SGCZ: variants seen among roughly 807,000 people sequenced by gnomAD.
SGCZ encodes the protein zeta-sarcoglycan.
Under a neutral mutation model 41.3 loss-of-function variants are expected in SGCZ, and 40 were observed. The observed-to-expected ratio is 0.97, with a 90% CI of 0.75 to 1.26. SGCZ has a LOEUF of 1.26. Ranked by LOEUF, SGCZ falls within the 50% of genes most tolerant of loss-of-function variation. SGCZ has a pLI of 0.00. For synonymous variants in SGCZ, 206 were observed against 137.5 expected (o/e 1.50, Z -3.49); for missense variants, 552 against 369.8 (o/e 1.49, Z -4.04).
chr8:14,110,225 C>A (rs548992077), intron 5 of SGCZ, among the ~76,000 whole-genome samples: 1 of 150,844 alleles, frequency 6.6e-6, no homozygotes, highest in Non-Finnish European at 1.5e-5. Context: ...AAGAGAGACT[C>A]TGGCATTTTG....
chr8:14,823,755 T>C (rs1169227172), intron 1 of SGCZ, among the ~76,000 whole-genome samples: 1 of 152,172 alleles, frequency 6.6e-6, no homozygotes, highest in African/African-American at 2.4e-5. Context: ...TAAATCACTA[T>C]ATTGAAGAGA....
At chr8:14,311,636 A>C (rs1480604518) in intron 3 of SGCZ, among the ~76,000 whole-genome samples, 1 of 152,230 alleles carries the variant, frequency 6.6e-6, no homozygotes, top group East Asian at 1.9e-4. Context: ...TTGTGAAACA[A>C]GAATAAAACA....
At chr8:15,221,103 G>T (rs978385912) in intron 1 of SGCZ, among the ~76,000 whole-genome samples, 7 of 152,098 alleles carry the variant, frequency 4.6e-5, no homozygotes. Context: ...CATGGCACAT[G>T]TATACCTATG....
chr8:14,210,792 A>T (rs955180714), intron 4 of SGCZ, among the ~76,000 whole-genome samples: 2 of 152,278 alleles, frequency 1.3e-5, no homozygotes, highest in East Asian at 3.9e-4. Context: ...TATTTAAAAA[A>T]ATATTTATTT....
At chr8:14,653,471 C>T (rs1359799217) in intron 1 of SGCZ, among the ~76,000 whole-genome samples, 1 of 152,066 alleles carries the variant, frequency 6.6e-6, no homozygotes, top group Non-Finnish European at 1.5e-5. Flanking sequence ...CTATCTTTAT[C>T]AATACACACC....
intron 2 of SGCZ, among the ~76,000 whole-genome samples, chr8:14,497,654 G>T (rs1243803090): frequency 1.3e-5 from 2 of 151,962 alleles, no homozygotes; most frequent in Non-Finnish European, 2.9e-5. Context: ...TGTGGCCCAA[G>T]ATGACTCTTC....
intron 3 of SGCZ, among the ~76,000 whole-genome samples, chr8:14,247,437 T>C (rs1033907608): frequency 6.6e-6 from 1 of 152,188 alleles, no homozygotes; most frequent in African/African-American, 2.4e-5. Context: ...GAATCTGGGG[T>C]AATCTATCAC....
At chr8:14,191,348 T>TTCTGTTG (rs1268465476) in intron 4 of SGCZ, among the ~76,000 whole-genome samples, 3 of 152,198 alleles carry the variant, frequency 2.0e-5, no homozygotes, top group Non-Finnish European at 4.4e-5. Flanking sequence ...TGATACAACC[T>TTCTGTTG]CACTTATTTT....
intron 1 of SGCZ, among the ~76,000 whole-genome samples, chr8:14,835,536 C>A (rs1287237149): frequency 6.6e-6 from 1 of 152,180 alleles, no homozygotes; most frequent in African/African-American, 2.4e-5. Context: ...ATCTCTCCAA[C>A]CTTGACACAC....
At chr8:14,212,712 G>C (rs1053715608) in intron 4 of SGCZ, among the ~76,000 whole-genome samples, 1 of 152,026 alleles carries the variant, frequency 6.6e-6, no homozygotes, top group Non-Finnish European at 1.5e-5. Context: ...ACTTGGAAGA[G>C]AAAAGACAAA....
At chr8:14,460,284 G>A (rs1800864491) in intron 2 of SGCZ, among the ~76,000 whole-genome samples, 1 of 152,118 alleles carries the variant, frequency 6.6e-6, no homozygotes, top group Admixed American at 6.6e-5. Context: ...AATGAAAACT[G>A]TCCAAGCTAA....
intron 3 of SGCZ, among the ~76,000 whole-genome samples, chr8:14,264,384 GT>G (rs1799797230): frequency 6.6e-6 from 1 of 152,106 alleles, no homozygotes; most frequent in South Asian, 2.1e-4. Context: ...CTCTAGGCTG[GT>G]TACTGTGGAT....
At chr8:14,538,203 A>C (rs1210434017) in intron 2 of SGCZ, among the ~76,000 whole-genome samples, 1 of 151,916 alleles carries the variant, frequency 6.6e-6, no homozygotes, top group African/African-American at 2.4e-5. Flanking sequence ...TGTATTTGCT[A>C]TTTTAACTTA....
intron 7 of SGCZ, among the ~76,000 whole-genome samples, chr8:14,096,758 A>T (rs1338843157): frequency 6.6e-6 from 1 of 152,116 alleles, no homozygotes; most frequent in Non-Finnish European, 1.5e-5. Flanking sequence ...TTGGTAGGCT[A>T]TTAATTATTG....
intron 2 of SGCZ, among the ~76,000 whole-genome samples, chr8:14,475,362 A>G (rs1269910519): frequency 2.0e-5 from 3 of 152,182 alleles, no homozygotes; most frequent in African/African-American, 7.2e-5. Context: ...GTAAATATAA[A>G]TTTTGTAATT....
rs1291157437 is a variant in SGCZ at position 14,086,314 on chromosome 8, C to T, written c.*4129G>A. 6.6e-6 allele frequency among the ~76,000 whole-genome samples: 1 copy of T among 151,642 alleles called. No homozygotes were observed. Among genetic ancestry groups the T allele is most frequent in the Non-Finnish European group, 1.5e-5 (1 of 67,736 alleles). On this transcript the variant is annotated 3_prime_UTR_variant, in exon 8 of 8. Transcript: ENST00000382080. Reference sequence around the variant, plus strand: ...ACATTCTCTGCTATGAAATATAACACTCATATGCATTAGACGCTCTCCAGG... The same window carrying T: ...ACATTCTCTGCTATGAAATATAACATTCATATGCATTAGACGCTCTCCAGG...
At chr8:14,409,418 A>G (rs1231040278) in intron 2 of SGCZ, among the ~76,000 whole-genome samples, 1 of 152,108 alleles carries the variant, frequency 6.6e-6, no homozygotes, top group Non-Finnish European at 1.5e-5. Flanking sequence ...ATATTTCAAT[A>G]TCCTCTATTT....
At chr8:14,108,015 A>G in intron 6 of SGCZ, 148 bp downstream of exon 6, 3 of 685,756 alleles carry the variant, frequency 4.4e-6, no homozygotes, top group Non-Finnish European at 7.1e-6. Flanking sequence ...TTTTTTCCAC[A>G]TTCTTCCTAT....
chr8:14,978,670 C>T (rs1801566992), intron 1 of SGCZ, among the ~76,000 whole-genome samples: 1 of 151,960 alleles, frequency 6.6e-6, no homozygotes, highest in African/African-American at 2.4e-5. Flanking sequence ...TCTCACTTTC[C>T]TTTGCATTCT....
Sources: gnomAD v4.1 joint callset for allele counts (sites outside exome capture counted in the v4.1 genomes callset) on GRCh38, gnomAD v4.1.1 for gene constraint, MANE v1.5 for transcripts, NCBI Gene and HGNC (gene_info 2026-07-23, HGNC 2026-07-21) for gene names.